Variants in TMPRSS4 observed in about 807,000 individuals in gnomAD.
The protein encoded by TMPRSS4 is transmembrane serine protease 4.
TMPRSS4 carries 45 observed loss-of-function variants against 56.4 expected under a neutral mutation model. The observed-to-expected ratio is 0.80, with a 90% CI of 0.63 to 1.02. TMPRSS4 has a LOEUF of 1.02. Ranked by LOEUF, TMPRSS4 falls within the 50% of genes least tolerant of loss-of-function variation. TMPRSS4 has a pLI of 0.00. For synonymous variants in TMPRSS4, 205 were observed against 211.0 expected, an observed-to-expected ratio of 0.97 and a Z score of 0.25; for missense variants, 546 against 556.7, an observed-to-expected ratio of 0.98 and a Z score of 0.19.
chr11:118,103,395 G>GTTTGTTTGTTTGTTT, intron 4 of TMPRSS4, 142 bp downstream of exon 4: 1 of 130,310 alleles, frequency 7.7e-6, no homozygotes, highest in Non-Finnish European at 1.9e-5. Flanking sequence ...TTTGTTTGTT[G>GTTTGTTTGTTTGTTT]TTGTTTTGAG....
intron 8 of TMPRSS4, among the ~76,000 whole-genome samples, chr11:118,112,305 G>A (rs1018340261): frequency 1.4e-5 from 2 of 147,668 alleles, no homozygotes; most frequent in East Asian, 2.0e-4. Flanking sequence ...AAAAATTAAA[G>A]AGCATAGGTT....
At chr11:118,097,624 C>G (rs1946481137) in intron 2 of TMPRSS4, among the ~76,000 whole-genome samples, 1 of 152,182 alleles carries the variant, frequency 6.6e-6, no homozygotes, top group Admixed American at 6.5e-5. Context: ...TTTTCCCTTT[C>G]CCAGGTTCCT....
Position 118,111,901 on chromosome 11 carries a change from G to A in TMPRSS4, c.743+1G>A. 1.2e-6 allele frequency: 2 copies of A among 1,607,184 alleles called. No homozygotes were observed. The highest frequency in any genetic ancestry group is 8.5e-7 in the Non-Finnish European group (1 of 1,177,122). On this transcript the variant is annotated splice_donor_variant, in intron 8 of 12. Coordinates refer to ENST00000437212, the MANE Select transcript of TMPRSS4 (RefSeq NM_019894.4). LOFTEE classifies it high-confidence loss of function. ...TCCTCACGGCAGCCCACTGCTTCAG[G>A]TAAGACCCCAGCTGTAAGGAGGTCT...
intron 5 of TMPRSS4, chr11:118,107,299 T>C (rs1947042311): frequency 6.5e-6 from 1 of 152,956 alleles, no homozygotes; most frequent in African/African-American, 2.4e-5. Context: ...GCCAAAAACA[T>C]ACCCCCGCTA....
intron 1 of TMPRSS4, among the ~76,000 whole-genome samples, chr11:118,085,349 G>T (rs1021889911): frequency 6.6e-6 from 1 of 151,478 alleles, no homozygotes; most frequent in Non-Finnish European, 1.5e-5. Flanking sequence ...TCAGCCTCCC[G>T]AGTAGCTGGG....
intron 7 of TMPRSS4, among the ~76,000 whole-genome samples, chr11:118,110,600 T>C (rs1248469899): frequency 1.3e-5 from 2 of 152,324 alleles, no homozygotes; most frequent in East Asian, 3.9e-4. Flanking sequence ...CTCGAACTCC[T>C]GACCTCAGGT....
chr11:118,116,731 TGAGAC>T (rs1947575004), intron 11 of TMPRSS4, among the ~76,000 whole-genome samples: 5 of 150,464 alleles, frequency 3.3e-5, no homozygotes, highest in Non-Finnish European at 5.9e-5. Flanking sequence ...TTTTTTTTTT[TGAGAC>T]TGAGTCTCAC....
chr11:118,087,368 C>T (rs1050557081), intron 1 of TMPRSS4, among the ~76,000 whole-genome samples: 10 of 152,204 alleles, frequency 6.6e-5, no homozygotes, highest in Non-Finnish European at 1.3e-4. Context: ...GCTTTCTGTT[C>T]CTTTGGCCTC....
intron 5 of TMPRSS4, 77 bp from the exon 6 acceptor site, chr11:118,107,697 A>G: frequency 7.9e-7 from 1 of 1,259,436 alleles, no homozygotes; most frequent in Non-Finnish European, 1.1e-6. Context: ...TTCTCCTGAA[A>G]GTGGGGGCCA....
At chr11:118,092,288 G>A (rs917511867) in intron 1 of TMPRSS4, among the ~76,000 whole-genome samples, 1 of 152,214 alleles carries the variant, frequency 6.6e-6, no homozygotes. Context: ...AGCCAGCTGT[G>A]TGGGAGACTG....
chr11:118,110,798 C>T (rs1313201342), intron 7 of TMPRSS4, among the ~76,000 whole-genome samples: 6 of 152,346 alleles, frequency 3.9e-5, no homozygotes, highest in East Asian at 3.9e-4. Flanking sequence ...TGGTCATGCT[C>T]GCTTGTCCCT....
At chr11:118,084,602 G>A (rs1945400074) in intron 1 of TMPRSS4, among the ~76,000 whole-genome samples, 1 of 152,182 alleles carries the variant, frequency 6.6e-6, no homozygotes, top group African/African-American at 2.4e-5. Flanking sequence ...CCCTGCCCCT[G>A]TACAGAACCA....
chr11:118,081,391 C>A (rs1316481100), intron 1 of TMPRSS4, among the ~76,000 whole-genome samples: 1 of 152,200 alleles, frequency 6.6e-6, no homozygotes, highest in East Asian at 1.9e-4. Flanking sequence ...ACGCCACCTC[C>A]CAGCCTGCCA....
Position 118,119,038 on chromosome 11 carries a change from A to C in TMPRSS4, c.*1125A>C. 1.0e-6 allele frequency: 1 copy of C among 985,338 alleles called. No homozygotes were observed. The highest frequency in any genetic ancestry group is 1.2e-6 in the Non-Finnish European group (1 of 829,940). The allele number at this position is 985,338 out of a possible 1,614,324, so 61.0% of individuals were successfully genotyped here. On this transcript the variant is annotated 3_prime_UTR_variant, in exon 13 of 13. Transcript: ENST00000437212. ...TGGGTTTTCTGAGGACTGTCTTGCT[A>C]TAGTTAAGTCAGATCCTAGATGAAA...
intron 1 of TMPRSS4, 60 bp downstream of exon 1, chr11:118,077,365 C>T (rs653764): frequency 0.15 from 224,903 of 1,524,356 alleles, 17,650 homozygotes; most frequent in East Asian, 0.28. Context: ...CATGTAAGGC[C>T]CTTCAAGCAG....
At chr11:118,088,515 G>A (rs1945739131) in intron 1 of TMPRSS4, among the ~76,000 whole-genome samples, 1 of 152,186 alleles carries the variant, frequency 6.6e-6, no homozygotes, top group Non-Finnish European at 1.5e-5. Context: ...CCCGCTACCT[G>A]GGCCCTGGGG....
Position 118,118,797 on chromosome 11 carries a change from G to C in TMPRSS4, c.*884G>C, listed in dbSNP as rs1947691965. 3 of 985,312 alleles carry C rather than the reference G, an allele frequency of 3.0e-6. No individual in the cohort carries two copies. The highest frequency in any genetic ancestry group is 3.6e-6 in the Non-Finnish European group (3 of 829,950). 61.0% of individuals were successfully genotyped at this position (985,312 alleles called of 1,614,324 possible). ...GTGACATTCAATCAGGGATCCACAA[G>C]TGGCTGGAAAGAAATGCTGGTCCTG... On this transcript the variant is annotated 3_prime_UTR_variant, in exon 13 of 13. Transcript: ENST00000437212.
At chr11:118,108,925 G>A (rs1363750027) in intron 7 of TMPRSS4, 29 bp downstream of exon 7, 29 of 1,611,906 alleles carry the variant, frequency 1.8e-5, no homozygotes, top group Non-Finnish European at 2.4e-5. Context: ...TGAGGGTTTG[G>A]GGCCTGGGCC....
chr11:118,096,976 GAAAGAAA>G lies in TMPRSS4; in HGVS notation c.44-2008_44-2002del, dbSNP rs1565423286. On this transcript the variant is annotated intron_variant, in intron 2 of 12. Coordinates refer to ENST00000437212, the MANE Select transcript of TMPRSS4 (RefSeq NM_019894.4). ...GAAGGAAAGAAAGAAAGGAAAGAAA[GAAAGAAA>G]GAAAGAAAGAAAGAAAGAAAGAAAG... 2.2e-3 allele frequency among the ~76,000 whole-genome samples: 77 copies of G among 35,722 alleles called. 9 individuals carry two copies. The highest frequency in any genetic ancestry group is 5.5e-3 in the African/African-American group (42 of 7,706). The allele number at this position is 35,722 out of a possible 152,430, so 23.4% of individuals were successfully genotyped here.
Sources: allele counts gnomAD v4.1 joint callset (sites outside exome capture counted in the v4.1 genomes callset), GRCh38; gene constraint gnomAD v4.1.1; transcripts MANE v1.5; gene names NCBI Gene and HGNC (gene_info 2026-07-23, HGNC 2026-07-21).